POLA1: variants seen among roughly 807,000 people sequenced by gnomAD.
The protein encoded by POLA1 is DNA polymerase alpha catalytic subunit.
Under a neutral mutation model 124.0 loss-of-function variants are expected in POLA1, and 15 were observed. That is an observed-to-expected ratio of 0.12 (90% confidence interval 0.08 to 0.19). The LOEUF (loss-of-function observed/expected upper bound fraction) is 0.19. Among genes scored for constraint, POLA1 ranks in the 10% least tolerant of loss-of-function variants. POLA1 has a pLI of 1.00. For missense variants in POLA1, 886 were observed against 1,103.4 expected (o/e 0.80, Z 2.79); for synonymous variants, 408 against 389.4 (o/e 1.05, Z -0.56).
intron 35 of POLA1, among the ~76,000 whole-genome samples, chrX:24,912,102 A>G (rs2047456948): frequency 8.9e-6 from 1 of 112,539 alleles, no homozygotes; most frequent in South Asian, 3.7e-4. Context: ...CAAACATGCA[A>G]AAGCAATTTA....
At chrX:24,952,998 T>A (rs188755491) in intron 36 of POLA1, among the ~76,000 whole-genome samples, 67 of 112,380 alleles carry the variant, frequency 6.0e-4, no homozygotes, top group African/African-American at 2.1e-3. Flanking sequence ...AAACATCAAA[T>A]CCTTTACTGA....
intron 4 of POLA1, among the ~76,000 whole-genome samples, chrX:24,714,159 GT>G (rs1211177370): frequency 3.6e-5 from 4 of 111,514 alleles, no homozygotes; most frequent in Admixed American, 2.9e-4. Context: ...TCATAGTTTT[GT>G]TTTGTTTTGT....
intron 36 of POLA1, among the ~76,000 whole-genome samples, chrX:24,986,742 A>G (rs1402619546): frequency 3.6e-5 from 4 of 110,076 alleles, no homozygotes; most frequent in Non-Finnish European, 7.6e-5. Flanking sequence ...ATATATATAT[A>G]TATGTATGTA....
chrX:24,882,942 G>A (rs995122640), intron 34 of POLA1, among the ~76,000 whole-genome samples: 2 of 111,555 alleles, frequency 1.8e-5, no homozygotes, highest in Non-Finnish European at 3.8e-5. Flanking sequence ...TTACCACAGT[G>A]GCTGAACTGA....
Position 24,815,032 on chromosome X carries a change from A to G in POLA1, c.3350A>G (p.Asn1117Ser). 8.3e-7 allele frequency: 1 copy of G among 1,202,297 alleles called. No homozygotes were observed. The highest frequency in any genetic ancestry group is 1.1e-6 in the Non-Finnish European group (1 of 889,050). The stretch of plus-strand genomic sequence containing the variant: ...CAAAGCCGGGACACTATAGTGGAAA[A>G]CATTCAGAAGAGGCTGATAGAAATT... ...SDQSRDTIVE[N>S]IQKRLIEIGE... is the part of the protein sequence containing the mutation. Residue 1117 changes from asparagine to serine, a missense_variant, in exon 30 of 37, where the codon AAC becomes AGC. Asn to Ser is a conservative substitution (Grantham distance 46, BLOSUM62 1). Coordinates refer to ENST00000379068, the MANE Select transcript of POLA1 (RefSeq NM_001330360.2).
At chrX:24,840,540 A>G (rs1413114793) in intron 32 of POLA1, among the ~76,000 whole-genome samples, 3 of 111,991 alleles carry the variant, frequency 2.7e-5, no homozygotes, top group Non-Finnish European at 5.6e-5. Flanking sequence ...CAGCTGACCA[A>G]ATAGGATTTA....
chrX:24,780,632 G>A (rs2045243661), intron 26 of POLA1, among the ~76,000 whole-genome samples: 1 of 111,925 alleles, frequency 8.9e-6, no homozygotes, highest in South Asian at 3.7e-4. Flanking sequence ...CTTTTCAGGT[G>A]TTAAGTCAAC....
intron 26 of POLA1, among the ~76,000 whole-genome samples, chrX:24,766,076 A>G (rs181604366): frequency 8.9e-6 from 1 of 112,313 alleles, no homozygotes; most frequent in East Asian, 2.8e-4. Context: ...CAAATATTCT[A>G]CAGTGTATTT....
rs2045713434 is a variant in POLA1 at position 24,801,924 on chromosome X, G to GTGTGTGTGTGTGT, written c.2965-7974_2965-7973insTGTGTGTGTGTGT. ...ACAGAGCCACTAGGAGAGGTGGGTG[G>GTGTGTGTGTGTGT]GTGTGTGTGTGTGTGTGTGTGTGTG... On this transcript the variant is annotated intron_variant, in intron 26 of 36. Coordinates refer to ENST00000379068, the MANE Select transcript of POLA1 (RefSeq NM_001330360.2). Among the ~76,000 whole-genome samples the GTGTGTGTGTGTGT allele has an allele frequency of 4.8e-3, 358 of 74,537 alleles. 7 individuals carry two copies. The highest frequency in any genetic ancestry group is 0.016 in the East Asian group (33 of 2,098). The allele number at this position is 74,537 out of a possible 115,157, so 64.7% of individuals were successfully genotyped here. A position where few individuals can be genotyped will look rare whatever the true frequency, so the allele number is the denominator to read the frequency against.
At chrX:24,871,937 C>G (rs2046870824) in intron 34 of POLA1, among the ~76,000 whole-genome samples, 1 of 111,970 alleles carries the variant, frequency 8.9e-6, no homozygotes, top group Admixed American at 9.5e-5. Flanking sequence ...ACAAAGGTCT[C>G]TACAGAATCT....
chrX:24,918,050 C>G (rs966910690), intron 35 of POLA1, among the ~76,000 whole-genome samples: 1 of 110,620 alleles, frequency 9.0e-6, no homozygotes, highest in Admixed American at 9.7e-5. Context: ...CAATTAACTA[C>G]TATTTTATAT....
intron 26 of POLA1, among the ~76,000 whole-genome samples, chrX:24,756,851 C>T (rs758295574): frequency 9.2e-4 from 102 of 111,128 alleles, no homozygotes; most frequent in Non-Finnish European, 1.5e-3. Context: ...ATACTTTTGT[C>T]ACCTAAAACA....
rs1380682865 is a variant in POLA1 at position 24,995,887 on chromosome X, C to T, written c.4344C>T (p.Ser1448=). ...AGAACACAGCAGAGCAATTCTTGTC[C>T]CGAAGTGGCTACTCCGAAGTGAATC... is the stretch of plus-strand genomic sequence containing the variant. ...KLKNTAEQFL[S]RSGYSEVNLS... is the part of the protein sequence containing the mutation. The change falls in exon 37 of 37, where the codon TCC becomes TCT. Residue 1448 remains serine, a synonymous_variant. Coordinates refer to ENST00000379068, the MANE Select transcript of POLA1 (RefSeq NM_001330360.2). 8.3e-7 allele frequency: 1 copy of T among 1,209,244 alleles called. No homozygotes were observed. The highest frequency in any genetic ancestry group is 3.0e-5 in the East Asian group (1 of 33,819).
intron 36 of POLA1, among the ~76,000 whole-genome samples, chrX:24,949,116 G>A (rs1442015891): frequency 8.9e-6 from 1 of 111,825 alleles, no homozygotes; most frequent in Non-Finnish European, 1.9e-5. Flanking sequence ...ATTTGTAAGT[G>A]TCCTAAGACA....
intron 34 of POLA1, among the ~76,000 whole-genome samples, chrX:24,870,367 C>T (rs1490164556): frequency 8.9e-6 from 1 of 111,996 alleles, no homozygotes; most frequent in African/African-American, 3.2e-5. Context: ...CACTCATCCC[C>T]AAGGAATTCA....
intron 34 of POLA1, among the ~76,000 whole-genome samples, chrX:24,876,375 G>C (rs748145823): frequency 4.5e-5 from 5 of 111,860 alleles, no homozygotes; most frequent in Non-Finnish European, 7.5e-5. Flanking sequence ...GACTTACCTT[G>C]TGTTGCCAAG....
intron 26 of POLA1, among the ~76,000 whole-genome samples, chrX:24,798,475 A>G (rs2045651159): frequency 9.0e-6 from 1 of 111,151 alleles, no homozygotes; most frequent in Non-Finnish European, 1.9e-5. Context: ...CACTTAATGA[A>G]TAGTAAAGAT....
intron 34 of POLA1, among the ~76,000 whole-genome samples, chrX:24,881,195 A>G (rs1376859031): frequency 8.9e-6 from 1 of 111,804 alleles, no homozygotes; most frequent in African/African-American, 3.3e-5. Flanking sequence ...GCACCACCTA[A>G]TCTTACTGTT....
chrX:24,728,035 G>A (rs1252908207), intron 15 of POLA1, 99 bp downstream of exon 15: 18 of 617,048 alleles, frequency 2.9e-5, no homozygotes, highest in Non-Finnish European at 4.4e-5. Flanking sequence ...CTTTTTGGAG[G>A]GGAAAGAATA....
Sources: gnomAD v4.1 joint callset for allele counts (sites outside exome capture counted in the v4.1 genomes callset) on GRCh38, gnomAD v4.1.1 for gene constraint, MANE v1.5 for transcripts, NCBI Gene and HGNC (gene_info 2026-07-23, HGNC 2026-07-21) for gene names.